The following MGAT5B variants were observed in gnomAD, a reference collection of about 807,000 sequenced individuals.
The protein encoded by MGAT5B is alpha-1,6-mannosylglycoprotein 6-beta-N-acetylglucosaminyltransferase B, also known as N-acetylglucosaminyl-transferase Vb.
MGAT5B carries 54 observed loss-of-function variants against 95.1 expected under a neutral mutation model. That is an observed-to-expected ratio of 0.57 (90% CI 0.46 to 0.71). The LOEUF (loss-of-function observed/expected upper bound fraction) is 0.71. Among genes scored for constraint, MGAT5B ranks in the 30% least tolerant of loss-of-function variants. The pLI is 0.00. For missense variants in MGAT5B, 935 were observed against 1,088.6 expected (o/e 0.86, Z 1.99); for synonymous variants, 464 against 451.0 (o/e 1.03, Z -0.36).
chr17:76,940,810 G>A lies in MGAT5B; in HGVS notation c.1810G>A (p.Glu604Lys), dbSNP rs1969842728. ...VWTVDYNNSE[E>K]FEAAIKAIMR... ...GACAGTCGACTACAACAACTCAGAG[G>A]AGTTTGAAGCAGCCATCAAGGCCAT... Residue 604 changes from glutamate (E) to lysine (K), a missense_variant, in exon 15 of 18, where the codon GAG becomes AAG. Transcript: ENST00000569840. This position sits in a 1 kb window ranked among gnomAD's most constrained non-coding sequence, Gnocchi z 4.3. 6.2e-7 allele frequency: 1 copy of A among 1,614,110 alleles called. No individual in the cohort carries two copies. Among genetic ancestry groups the A allele is most frequent in the Non-Finnish European group, 8.5e-7 (1 of 1,180,026 alleles).
intron 3 of MGAT5B, among the ~76,000 whole-genome samples, chr17:76,888,212 A>G (rs889673644): frequency 2.6e-5 from 4 of 152,076 alleles, no homozygotes; most frequent in African/African-American, 4.8e-5. Flanking sequence ...CCTCCCCAGC[A>G]TCAGGGTGGG....
chr17:76,903,490 C>T, intron 5 of MGAT5B, 114 bp downstream of exon 5: 4 of 671,058 alleles, frequency 6.0e-6, no homozygotes, highest in Non-Finnish European at 9.7e-6. Flanking sequence ...AACAGCTTCT[C>T]TGCTCAGTGC....
intron 3 of MGAT5B, among the ~76,000 whole-genome samples, chr17:76,902,145 T>C (rs1968335896): frequency 6.6e-6 from 1 of 152,158 alleles, no homozygotes; most frequent in Non-Finnish European, 1.5e-5. Context: ...TGTGGGCACC[T>C]GTACAGTTGT....
chr17:76,948,002 C>T lies in MGAT5B; in HGVS notation c.2096C>T (p.Ala699Val), dbSNP rs756907585. 6.2e-7 allele frequency: 1 copy of T among 1,612,596 alleles called. No homozygotes were observed. Among genetic ancestry groups the T allele is most frequent in the South Asian group, 1.1e-5 (1 of 90,792 alleles). Residue 699 changes from alanine (A) to valine (V), a missense_variant, in exon 17 of 18, where the codon GCC becomes GTC. Around this residue, in one of 4 missense-constraint regions of MGAT5B, gnomAD observed 440 missense variants for 523.6 expected, o/e 0.84. Transcript: ENST00000569840. ...GCCTGGCTGGCCGTGCCTGGGAGGG[C>T]CTGCACCGACACCTGCCTGGACCAC... ...LRAWLAVPGR[A>V]CTDTCLDHGL... is the part of the protein sequence containing the mutation.
intron 4 of MGAT5B, 47 bp downstream of exon 4, chr17:76,902,717 G>C (rs1968361703): frequency 7.8e-6 from 7 of 900,208 alleles, no homozygotes; most frequent in Non-Finnish European, 1.2e-5. Flanking sequence ...GGGGGCCAAT[G>C]AACTGGGTGC....
intron 9 of MGAT5B, 145 bp downstream of exon 9, chr17:76,925,242 C>CATCCCGT: frequency 4.4e-5 from 1 of 22,800 alleles, no homozygotes; most frequent in Non-Finnish European, 7.9e-5. Flanking sequence ...TCCGCCCTCC[C>CATCCCGT]CTCCCCTCCC....
intron 2 of MGAT5B, among the ~76,000 whole-genome samples, chr17:76,879,804 G>A (rs990471690): frequency 2.6e-5 from 4 of 152,096 alleles, no homozygotes; most frequent in Non-Finnish European, 4.4e-5. Context: ...CGTTGCCCCC[G>A]CCTCTGGGAA....
At chr17:76,881,402 A>G (rs1392204196) in intron 2 of MGAT5B, among the ~76,000 whole-genome samples, 1 of 152,174 alleles carries the variant, frequency 6.6e-6, no homozygotes, top group East Asian at 1.9e-4. Flanking sequence ...GAGATTCAGA[A>G]CACATGCATT....
In MGAT5B at chr17:76,914,759, T is replaced by TC. The variant is rs915319933; in HGVS notation, c.1025+8575dup. Among the ~76,000 whole-genome samples the TC allele has an allele frequency of 6.6e-6, 1 of 152,092 alleles. No homozygotes were observed. Among genetic ancestry groups the TC allele is most frequent in the Non-Finnish European group, 1.5e-5 (1 of 68,006 alleles). ...TTCAAGTGATTCTCCTGCCTCAGCC[T>TC]CCCGAGTAGCTGGGACTACAGGAAT... On this transcript the variant is annotated intron_variant, in intron 8 of 17. Transcript: ENST00000569840. This position sits in a 1 kb window ranked among gnomAD's most constrained non-coding sequence, Gnocchi z 5.1.
At chr17:76,900,838 C>G (rs1014066368) in intron 3 of MGAT5B, among the ~76,000 whole-genome samples, 7 of 152,158 alleles carry the variant, frequency 4.6e-5, no homozygotes, top group African/African-American at 1.7e-4. Flanking sequence ...GGGCACTGAA[C>G]TAGAGTGAGA....
chr17:76,897,363 G>A (rs1160484969), intron 3 of MGAT5B, among the ~76,000 whole-genome samples: 2 of 152,354 alleles, frequency 1.3e-5, no homozygotes, highest in East Asian at 1.9e-4. Flanking sequence ...CAGTTCTGGA[G>A]ACAGAAGTCT....
Position 76,948,667 on chromosome 17 carries a change from G to A in MGAT5B, c.2208G>A (p.Glu736=), listed in dbSNP as rs772347583. The A allele has an allele frequency of 1.2e-6, 2 of 1,613,060 alleles. No individual in the cohort carries two copies. Among genetic ancestry groups the A allele is most frequent in the South Asian group, 1.1e-5 (1 of 90,844 alleles). Residue 736 remains glutamate, a synonymous_variant, in exon 18 of 18, where the codon GAG becomes GAA. Coordinates refer to ENST00000569840, the MANE Select transcript of MGAT5B (RefSeq NM_001199172.2). ...LKLQVPCDST[E]SEMNHLYPAF... ...TGCAGGTGCCCTGTGACAGCACCGA[G>A]TCGGAGATGAACCACCTGTACCCGG... is the stretch of plus-strand genomic sequence containing the variant.
At chr17:76,943,993 C>G (rs1183759737) in intron 15 of MGAT5B, 1 of 152,234 alleles carries the variant, frequency 6.6e-6, no homozygotes, top group African/African-American at 2.4e-5. Flanking sequence ...TTCTGTGTCT[C>G]TGCACCTCCC....
intron 9 of MGAT5B, among the ~76,000 whole-genome samples, chr17:76,925,900 G>A (rs1214946071): frequency 1.3e-5 from 2 of 152,156 alleles, no homozygotes; most frequent in Non-Finnish European, 2.9e-5. Flanking sequence ...TGGGGCTGTG[G>A]CCCATTGAGA....
In MGAT5B at chr17:76,947,856, C is replaced by T. The variant is rs1350807052; in HGVS notation, c.1950C>T (p.Ala650=). The T allele has an allele frequency of 6.3e-7, 1 of 1,589,408 alleles. No individual in the cohort carries two copies. The highest frequency in any genetic ancestry group is 1.1e-5 in the South Asian group (1 of 89,216). The part of the protein sequence containing the change: ...HQDFCRAPDP[A]LPEAHAPQSP... ...ACTTCTGCAGAGCTCCAGACCCTGC[C>T]CTACCAGAGGCCCACGCCCCGCAGA... is the stretch of plus-strand genomic sequence containing the variant. Residue 650 remains alanine, a synonymous_variant, in exon 17 of 18, where the codon GCC becomes GCT. Transcript: ENST00000569840.
chr17:76,941,176 C>G (rs1290486533), intron 15 of MGAT5B, among the ~76,000 whole-genome samples: 1 of 152,246 alleles, frequency 6.6e-6, no homozygotes, highest in Non-Finnish European at 1.5e-5. Context: ...TGAATGTTTT[C>G]ACGATGGATG....
chr17:76,904,530 C>G (rs1841387557), intron 6 of MGAT5B, 108 bp downstream of exon 6: 1 of 1,300,266 alleles, frequency 7.7e-7, no homozygotes, highest in African/African-American at 1.5e-5. Flanking sequence ...AGCTGCTTGC[C>G]AGGTGTGTGG....
At chr17:76,908,139 G>A (rs552960296) in intron 8 of MGAT5B, among the ~76,000 whole-genome samples, 1 of 152,034 alleles carries the variant, frequency 6.6e-6, no homozygotes, top group South Asian at 2.1e-4. Flanking sequence ...TGGTTTTTTG[G>A]GGAGTAACAG....
Position 76,948,203 on chromosome 17 carries a change from T to G in MGAT5B, c.2180+117T>G, listed in dbSNP as rs1449609584. Reference sequence around the variant, plus strand: ...GCCCTGCCAGTGTGGGGGGATGTAATGCTTTCCAATGAGTCAGGAAGGATC... The same window carrying G: ...GCCCTGCCAGTGTGGGGGGATGTAAGGCTTTCCAATGAGTCAGGAAGGATC... On this transcript the variant is annotated intron_variant, in intron 17 of 17. Coordinates refer to ENST00000569840, the MANE Select transcript of MGAT5B (RefSeq NM_001199172.2). 37 of 1,442,490 alleles carry G rather than the reference T, an allele frequency of 2.6e-5. No individual in the cohort carries two copies. The South Asian group carries it at 4.7e-4, about 18-fold the overall frequency. The allele number at this position is 1,442,490 out of a possible 1,614,324, so 89.4% of individuals were successfully genotyped here. A position where few individuals can be genotyped will look rare whatever the true frequency, so the allele number is the denominator to read the frequency against.
Sources: allele counts gnomAD v4.1 joint callset (sites outside exome capture counted in the v4.1 genomes callset), GRCh38; gene constraint gnomAD v4.1.1; regional missense constraint gnomAD v4.1.1; non-coding constraint Gnocchi (gnomAD v3.1); transcripts MANE v1.5; gene names NCBI Gene and HGNC (gene_info 2026-07-23, HGNC 2026-07-21).